Variants in GPC6 observed in about 807,000 individuals in gnomAD.
The protein encoded by GPC6 is glypican 6, also known as glypican-6.
A neutral mutation model predicts 55.2 loss-of-function variants in GPC6; 14 were observed. That is an observed-to-expected ratio of 0.25 (90% CI 0.17 to 0.40). GPC6 has a LOEUF of 0.40. Ranked by LOEUF, GPC6 falls within the 10% of genes least tolerant of loss-of-function variation. The pLI is 1.00. For synonymous variants in GPC6, 278 were observed against 259.6 expected, an observed-to-expected ratio of 1.07 and a Z score of -0.68; for missense variants, 641 against 708.5, an observed-to-expected ratio of 0.90 and a Z score of 1.08.
intron 2 of GPC6, among the ~76,000 whole-genome samples, chr13:93,745,148 A>G (rs1040143942): frequency 1.3e-5 from 2 of 151,650 alleles, no homozygotes; most frequent in Admixed American, 6.6e-5. Flanking sequence ...TAGGCTCTCA[A>G]CTCTCTACAG....
intron 1 of GPC6, among the ~76,000 whole-genome samples, chr13:93,305,386 G>A (rs558317379): frequency 1.3e-5 from 2 of 152,230 alleles, no homozygotes; most frequent in East Asian, 1.9e-4. Context: ...GTTTGCTGTC[G>A]TACTGGGACC....
chr13:94,407,770 AT>A lies in GPC6; in HGVS notation c.*4558del, dbSNP rs1330728072. ...TTTCCCAATTTAGCCAATTGCATTG[AT>A]TTTTATACTTCTGAAATGTTTCCAT... On this transcript the variant is annotated 3_prime_UTR_variant, in exon 9 of 9. Coordinates refer to ENST00000377047, the MANE Select transcript of GPC6 (RefSeq NM_005708.5). Among the ~76,000 whole-genome samples, 12 of 152,206 alleles carry A rather than the reference AT, an allele frequency of 7.9e-5. No homozygotes were observed. The highest frequency in any genetic ancestry group is 1.0e-4 in the Non-Finnish European group (7 of 68,024).
At chr13:94,226,520 A>G (rs539903285) in intron 4 of GPC6, among the ~76,000 whole-genome samples, 5 of 152,208 alleles carry the variant, frequency 3.3e-5, no homozygotes, top group Non-Finnish European at 7.3e-5. Context: ...TACATGTATT[A>G]AAACATTACA....
rs576492587 is a variant in GPC6, at chr13:93,922,004, C to T, written c.711+91459C>T. On this transcript the variant is annotated intron_variant, in intron 3 of 8. Coordinates refer to ENST00000377047, the MANE Select transcript of GPC6 (RefSeq NM_005708.5). ...AAAAATACTCAATAGATATTTGTTA[C>T]ATAGAATTCAAATGAATACAATTGG... Among the ~76,000 whole-genome samples, 3 of 151,960 alleles carry T rather than the reference C, an allele frequency of 2.0e-5. No individual in the cohort carries two copies. In the East Asian group the frequency reaches 5.8e-4, roughly 29 times the overall value.
intron 1 of GPC6, among the ~76,000 whole-genome samples, chr13:93,517,920 A>C (rs1189080742): frequency 6.6e-6 from 1 of 151,906 alleles, no homozygotes; most frequent in East Asian, 1.9e-4. Context: ...TTTTCAGCAA[A>C]TCTCTCTTCT....
Position 94,316,269 on chromosome 13 carries a change from C to T in GPC6, c.1152+10146C>T, listed in dbSNP as rs141162973. Reference sequence around the variant, plus strand: ...AAACCATCATCCTTTTTCGGTCAGGCTGATTTTCAGCATCGGATGCCAACG... The same window carrying T: ...AAACCATCATCCTTTTTCGGTCAGGTTGATTTTCAGCATCGGATGCCAACG... On this transcript the variant is annotated intron_variant, in intron 6 of 8. Coordinates refer to ENST00000377047, the MANE Select transcript of GPC6 (RefSeq NM_005708.5). Among the ~76,000 whole-genome samples, 369 of 152,198 alleles carry T rather than the reference C, an allele frequency of 2.4e-3. 2 individuals are homozygous for T. Among genetic ancestry groups the T allele is most frequent in the African/African-American group, 8.4e-3 (348 of 41,542 alleles).
At chr13:94,364,764 C>CTG (rs1879216836) in intron 6 of GPC6, among the ~76,000 whole-genome samples, 1 of 152,044 alleles carries the variant, frequency 6.6e-6, no homozygotes, top group African/African-American at 2.4e-5. Context: ...CTGTGTGCAG[C>CTG]TGTGTGTGGG....
intron 3 of GPC6, among the ~76,000 whole-genome samples, chr13:93,889,700 A>G (rs995262407): frequency 1.7e-4 from 26 of 152,152 alleles, no homozygotes; most frequent in African/African-American, 5.3e-4. Context: ...AGAAGCAGTC[A>G]GCGAAAAGTC....
chr13:94,331,803 G>T (rs1535693), intron 6 of GPC6, among the ~76,000 whole-genome samples: 22,592 of 152,106 alleles, frequency 0.15, 1,911 homozygotes, highest in East Asian at 0.28. Context: ...ATTAATTTGG[G>T]TACCAGTCTT....
At chr13:93,709,280 T>C (rs912840840) in intron 2 of GPC6, among the ~76,000 whole-genome samples, 3 of 151,810 alleles carry the variant, frequency 2.0e-5, no homozygotes, top group Non-Finnish European at 4.4e-5. Flanking sequence ...TCTTCACTTC[T>C]TAACCTTCCC....
intron 2 of GPC6, among the ~76,000 whole-genome samples, chr13:93,777,644 C>A (rs1158662100): frequency 6.6e-6 from 1 of 152,126 alleles, no homozygotes; most frequent in Non-Finnish European, 1.5e-5. Flanking sequence ...ATAGTAATAA[C>A]ATTATTTTAT....
At chr13:93,796,124 A>G (rs1333790254) in intron 2 of GPC6, among the ~76,000 whole-genome samples, 1 of 151,864 alleles carries the variant, frequency 6.6e-6, no homozygotes, top group Admixed American at 6.6e-5. Context: ...TTCCTCTGGG[A>G]GGTCAAGGTT....
At chr13:93,497,872 A>G (rs1880365923) in intron 1 of GPC6, among the ~76,000 whole-genome samples, 1 of 152,200 alleles carries the variant, frequency 6.6e-6, no homozygotes, top group Non-Finnish European at 1.5e-5. Context: ...CCTTGGGGAA[A>G]TCTTGTAGTT....
At chr13:93,513,687 T>A (rs1249533533) in intron 1 of GPC6, among the ~76,000 whole-genome samples, 1 of 152,182 alleles carries the variant, frequency 6.6e-6, no homozygotes, top group Non-Finnish European at 1.5e-5. Context: ...GACACAGCTA[T>A]TGCACGATTG....
chr13:94,264,490 T>G (rs1411218106), intron 4 of GPC6, among the ~76,000 whole-genome samples: 1 of 152,182 alleles, frequency 6.6e-6, no homozygotes, highest in African/African-American at 2.4e-5. Flanking sequence ...TCTTTCAGCA[T>G]ATATTTGTTG....
intron 6 of GPC6, among the ~76,000 whole-genome samples, chr13:94,377,254 A>T (rs1008120298): frequency 1.4e-5 from 2 of 148,120 alleles, no homozygotes; most frequent in African/African-American, 2.5e-5. Context: ...CAGAGTGAAC[A>T]GGCAACCTAC....
chr13:93,721,403 A>G (rs1244206987), intron 2 of GPC6, among the ~76,000 whole-genome samples: 5 of 151,844 alleles, frequency 3.3e-5, no homozygotes, highest in Admixed American at 6.6e-5. Context: ...GTAGCTGATT[A>G]AAGTAAAACT....
intron 3 of GPC6, among the ~76,000 whole-genome samples, chr13:93,880,921 T>G (rs993439284): frequency 6.6e-6 from 1 of 150,920 alleles, no homozygotes; most frequent in African/African-American, 2.4e-5. Flanking sequence ...ATTATGTGTA[T>G]TCTTCAACCA....
At chr13:93,703,557 C>T (rs1006264878) in intron 2 of GPC6, among the ~76,000 whole-genome samples, 5 of 151,852 alleles carry the variant, frequency 3.3e-5, no homozygotes, top group East Asian at 3.9e-4. Flanking sequence ...CACAATAAAA[C>T]AAGGTATTCT....
Sources: gnomAD v4.1 joint callset for allele counts (sites outside exome capture counted in the v4.1 genomes callset) on GRCh38, gnomAD v4.1.1 for gene constraint, MANE v1.5 for transcripts, NCBI Gene and HGNC (gene_info 2026-07-23, HGNC 2026-07-21) for gene names.